The following SCN9A variants were observed in gnomAD, a reference collection of about 807,000 sequenced individuals.
The protein encoded by SCN9A is sodium channel protein type 9 subunit alpha.
SCN9A carries 131 observed loss-of-function variants against 187.0 expected under a neutral mutation model. The ratio of observed to expected loss-of-function variants is 0.70; its 90% CI spans 0.61 to 0.81. SCN9A has a LOEUF of 0.81. Ranked by LOEUF, SCN9A falls within the 30% of genes least tolerant of loss-of-function variation. The probability of loss-of-function intolerance (pLI) is 0.00; values close to 1 mark genes in which losing one functional copy is unlikely to be tolerated. For missense variants in SCN9A, 2,252 were observed against 2,396.6 expected (o/e 0.94, Z 1.26); for synonymous variants, 809 against 808.6 (o/e 1.00, Z -0.01).
chr2:166,295,958 A>T (rs1698282945), intron 7 of SCN9A: 1 of 152,214 alleles, frequency 6.6e-6, no homozygotes, highest in South Asian at 2.1e-4. Context: ...ATGACTAAAA[A>T]ACCTTTTGTC....
intron 1 of SCN9A, among the ~76,000 whole-genome samples, chr2:166,324,271 C>T (rs112867239): frequency 1.3e-5 from 2 of 151,490 alleles, no homozygotes; most frequent in Non-Finnish European, 2.9e-5. Context: ...CCAGCCTGAA[C>T]CAGAGAGCGG....
At chr2:166,351,327 T>C (rs961687218) in intron 1 of SCN9A, among the ~76,000 whole-genome samples, 1 of 152,182 alleles carries the variant, frequency 6.6e-6, no homozygotes, top group African/African-American at 2.4e-5. Flanking sequence ...CAACTTATCA[T>C]GAAAAAATTG....
intron 24 of SCN9A, among the ~76,000 whole-genome samples, chr2:166,207,446 G>GTTGTT (rs1553474917): frequency 6.6e-6 from 1 of 151,596 alleles, no homozygotes; most frequent in African/African-American, 2.4e-5. Context: ...TGTTGTTGTT[G>GTTGTT]TTGTTGTTGT....
chr2:166,293,378 C>T lies in SCN9A; in HGVS notation c.966-6G>A, dbSNP rs1460065114. 2.5e-6 allele frequency: 4 copies of T among 1,600,250 alleles called. No individual in the cohort carries two copies. Among genetic ancestry groups the T allele is most frequent in the African/African-American group, 2.7e-5 (2 of 74,630 alleles). On this transcript the variant is annotated splice_region_variant and splice_polypyrimidine_tract_variant and intron_variant, in intron 8 of 26. Transcript: ENST00000642356. ...TGTACCCCTCTGGACACTGACTACA[C>T]ACGAGAAAGAACATTATAGGTGAGA...
chr2:166,237,772 G>C (rs1695382965), intron 20 of SCN9A, among the ~76,000 whole-genome samples: 1 of 151,602 alleles, frequency 6.6e-6, no homozygotes, highest in African/African-American at 2.4e-5. Flanking sequence ...TCTAAATTTT[G>C]TTTTATTCTT....
chr2:166,238,716 A>T (rs1393031148), intron 19 of SCN9A, among the ~76,000 whole-genome samples: 5 of 152,180 alleles, frequency 3.3e-5, no homozygotes, highest in Non-Finnish European at 7.3e-5. Flanking sequence ...ATGCTTGTGC[A>T]TCCCAGTGCC....
intron 7 of SCN9A, among the ~76,000 whole-genome samples, chr2:166,296,590 G>A (rs1698311916): frequency 6.6e-6 from 1 of 152,156 alleles, no homozygotes; most frequent in Non-Finnish European, 1.5e-5. Context: ...TTAAACTAAT[G>A]CTGGTTCACA....
intron 17 of SCN9A, among the ~76,000 whole-genome samples, chr2:166,261,443 C>A (rs1265430261): frequency 6.6e-6 from 1 of 151,898 alleles, no homozygotes; most frequent in Non-Finnish European, 1.5e-5. Context: ...CTATTTCTTT[C>A]TCTACCTGGG....
intron 17 of SCN9A, among the ~76,000 whole-genome samples, chr2:166,261,022 G>GT (rs1035086122): frequency 1.3e-5 from 2 of 151,214 alleles, no homozygotes; most frequent in Admixed American, 1.3e-4. Flanking sequence ...ATTAACTTTT[G>GT]TTTTTTGGTA....
At chr2:166,248,691 G>C (rs1341219268) in intron 18 of SCN9A, among the ~76,000 whole-genome samples, 3 of 152,120 alleles carry the variant, frequency 2.0e-5, no homozygotes, top group Non-Finnish European at 2.9e-5. Flanking sequence ...GTTGGAGACA[G>C]AGTCTTCCTC....
intron 1 of SCN9A, among the ~76,000 whole-genome samples, chr2:166,361,332 T>C (rs1003598282): frequency 7.2e-5 from 11 of 152,152 alleles, no homozygotes; most frequent in Admixed American, 1.3e-4. Flanking sequence ...TTGTATTGCA[T>C]ATACAAAACC....
chr2:166,299,284 A>C (rs1288937782), intron 7 of SCN9A, among the ~76,000 whole-genome samples: 1 of 148,008 alleles, frequency 6.8e-6, no homozygotes, highest in Non-Finnish European at 1.5e-5. Context: ...AATTGTCTAC[A>C]CATATTACCT....
At chr2:166,248,469 C>T (rs567226124) in intron 18 of SCN9A, among the ~76,000 whole-genome samples, 1 of 152,114 alleles carries the variant, frequency 6.6e-6, no homozygotes, top group Non-Finnish European at 1.5e-5. Context: ...AGTCTAAGCT[C>T]CCATCACCTC....
intron 20 of SCN9A, among the ~76,000 whole-genome samples, chr2:166,237,172 CAT>C (rs1046794866): frequency 6.0e-5 from 9 of 151,056 alleles, no homozygotes; most frequent in African/African-American, 2.2e-4. Context: ...CAAAATATGT[CAT>C]ATATATTATT....
chr2:166,256,395 T>TA (rs1473694480), intron 17 of SCN9A, among the ~76,000 whole-genome samples: 1 of 151,272 alleles, frequency 6.6e-6, no homozygotes, highest in Non-Finnish European at 1.5e-5. Flanking sequence ...TGCCTCAAGT[T>TA]AAAAAATCAC....
chr2:166,322,043 T>C (rs941645060), intron 1 of SCN9A, among the ~76,000 whole-genome samples: 4 of 152,132 alleles, frequency 2.6e-5, no homozygotes, highest in Non-Finnish European at 5.9e-5. Context: ...ATCTTCCAAC[T>C]TTCAGGAATG....
intron 1 of SCN9A, among the ~76,000 whole-genome samples, chr2:166,350,658 A>C (rs1540872): frequency 6.6e-6 from 1 of 151,982 alleles, no homozygotes; most frequent in Non-Finnish European, 1.5e-5. Flanking sequence ...AATTAGAACT[A>C]TATTTTATGA....
chr2:166,242,610 C>T lies in SCN9A; in HGVS notation c.3519G>A (p.Gly1173=). 6.4e-7 allele frequency: 1 copy of T among 1,555,500 alleles called. No individual in the cohort carries two copies. The highest frequency in any genetic ancestry group is 8.7e-7 in the Non-Finnish European group (1 of 1,148,902). Residue 1173 remains glycine, a synonymous_variant, in exon 19 of 27, where the codon GGG becomes GGA. Coordinates refer to ENST00000642356, the MANE Select transcript of SCN9A (RefSeq NM_001365536.1). ...FSCCQVNIES[G]KGKIWWNIRK... ...TGATGTTCCACCAGATTTTTCCTTT[C>T]CCTGACTCTATGTTAACTTGGCAGC...
In SCN9A at chr2:166,284,442, A is replaced by G. The variant is rs1448546193; in HGVS notation, c.1974+11T>C. ...GCCCAGCCATGCCTGAGCTATGTAA[A>G]ACGTCCTTACGCTGTCATCAGAAGT... On this transcript the variant is annotated intron_variant, in intron 12 of 26. Coordinates refer to ENST00000642356, the MANE Select transcript of SCN9A (RefSeq NM_001365536.1). The G allele has an allele frequency of 3.1e-6, 5 of 1,597,372 alleles. No homozygotes were observed. In the Admixed American group the frequency reaches 8.7e-5, roughly 28 times the overall value.
Sources: allele counts gnomAD v4.1 joint callset (sites outside exome capture counted in the v4.1 genomes callset), GRCh38; gene constraint gnomAD v4.1.1; transcripts MANE v1.5; gene names NCBI Gene and HGNC (gene_info 2026-07-23, HGNC 2026-07-21).